The following ZNF493 variants were observed in gnomAD, a reference collection of about 807,000 sequenced individuals.
The protein encoded by ZNF493 is zinc finger protein 493.
ZNF493 carries 11 observed loss-of-function variants against 12.2 expected under a neutral mutation model. The observed-to-expected ratio is 0.90, with a 90% CI of 0.57 to 1.50. The LOEUF is 1.50. Ranked by LOEUF, ZNF493 falls within the 40% of genes most tolerant of loss-of-function variation. The probability of loss-of-function intolerance (pLI) is 0.00; values close to 1 mark genes in which losing one functional copy is unlikely to be tolerated. For synonymous variants in ZNF493, 286 were observed against 302.6 expected, an observed-to-expected ratio of 0.95 and a Z score of 0.57; for missense variants, 950 against 906.6, an observed-to-expected ratio of 1.05 and a Z score of -0.61.
intron 3 of ZNF493, among the ~76,000 whole-genome samples, chr19:21,409,119 C>T (rs1176623114): frequency 2.6e-5 from 4 of 152,006 alleles, no homozygotes; most frequent in Non-Finnish European, 5.9e-5. Context: ...CTCCTGACCT[C>T]GTGATCTGCC....
rs1022648919 is a variant in ZNF493, at chr19:21,400,025, G to A, written c.30+2758G>A. Among the ~76,000 whole-genome samples the A allele has an allele frequency of 3.3e-5, 5 of 152,232 alleles. No homozygotes were observed. The East Asian group carries it at 7.7e-4, about 23-fold the overall frequency. ...TGGAAGTGTTTTCATATGACTCATTGTTAACTGCATGATTTTTAGTGGAAT... is the reference window on the plus strand; with the variant it reads ...TGGAAGTGTTTTCATATGACTCATTATTAACTGCATGATTTTTAGTGGAAT... On this transcript the variant is annotated intron_variant, in intron 1 of 3. Transcript: ENST00000392288.
chr19:21,426,036 G>A lies in ZNF493; in HGVS notation c.*1052G>A. Reference sequence around the variant, plus strand: ...AAACCCTATGATTGTGAAAAATATGGCAAAGGCTTTAACTAGTCCTCAGTT... The same window carrying A: ...AAACCCTATGATTGTGAAAAATATGACAAAGGCTTTAACTAGTCCTCAGTT... On this transcript the variant is annotated 3_prime_UTR_variant, in exon 4 of 4. Transcript: ENST00000392288. 2 of 483,920 alleles carry A rather than the reference G, an allele frequency of 4.1e-6. No homozygotes were observed. The highest frequency in any genetic ancestry group is 3.5e-5 in the South Asian group (2 of 56,742). The allele number at this position is 483,920 out of a possible 1,614,324, so 30.0% of individuals were successfully genotyped here.
At position 21,427,264 on chromosome 19, in the gene ZNF493, GTATAT is replaced by G. The variant is rs2030877827; in HGVS notation, c.*2284_*2288del. ...ATTCTTTTGCATTATGAGAAAACTA[GTATAT>G]TATTCATATATTTTACTAATTGTAC... is the stretch of plus-strand genomic sequence containing the variant. On this transcript the variant is annotated 3_prime_UTR_variant, in exon 4 of 4. Coordinates refer to ENST00000392288, the MANE Select transcript of ZNF493 (RefSeq NM_001076678.3). 6.0e-6 allele frequency: 1 copy of G among 166,616 alleles called. No individual in the cohort carries two copies. Among genetic ancestry groups the G allele is most frequent in the Non-Finnish European group, 1.5e-5 (1 of 68,102 alleles). 10.3% of individuals were successfully genotyped at this position (166,616 alleles called of 1,614,324 possible).
chr19:21,416,423 C>T (rs886218254), intron 3 of ZNF493, among the ~76,000 whole-genome samples: 17 of 152,132 alleles, frequency 1.1e-4, no homozygotes, highest in Non-Finnish European at 2.2e-4. Context: ...GGTTGTCCAT[C>T]GGGCCCTTCA....
rs746362909 is a variant in ZNF493, at chr19:21,424,551, G to A, written c.1892G>A (p.Cys631Tyr). 6 of 1,610,584 alleles carry A rather than the reference G, an allele frequency of 3.7e-6. No individual in the cohort carries two copies. In the South Asian group the frequency reaches 5.5e-5, roughly 15 times the overall value. ...CATACTGGAGAAAAACCCTACAAATGTGAAGAATGTGGCAAAGCTTTTAAG... is the reference window on the plus strand; with the variant it reads ...CATACTGGAGAAAAACCCTACAAATATGAAGAATGTGGCAAAGCTTTTAAG... Reference protein sequence around the residue: ...KIHTGEKPYKCEECGKAFKRS... With the variant: ...KIHTGEKPYKYEECGKAFKRS... Residue 631 changes from cysteine to tyrosine, a missense_variant, in exon 4 of 4, where the codon TGT (cysteine) becomes TAT (tyrosine). By Grantham distance (194) the Cys-to-Tyr change is radical. Transcript: ENST00000392288.
At position 21,427,462 on chromosome 19, in the gene ZNF493, T is replaced by C. The variant is rs1264367515; in HGVS notation, c.*2478T>C. On this transcript the variant is annotated 3_prime_UTR_variant, in exon 4 of 4. Coordinates refer to ENST00000392288, the MANE Select transcript of ZNF493 (RefSeq NM_001076678.3). ...CCCTCCCCCCAATTGTACTTTTATATAATAAAATGCAGTACATTTTAAAAA... is the reference window on the plus strand; with the variant it reads ...CCCTCCCCCCAATTGTACTTTTATACAATAAAATGCAGTACATTTTAAAAA... The C allele has an allele frequency of 6.6e-6, 1 of 151,910 alleles. No homozygotes were observed. The highest frequency in any genetic ancestry group is 1.5e-5 in the Non-Finnish European group (1 of 67,938). The allele number at this position is 151,910 out of a possible 1,614,324, so 9.4% of individuals were successfully genotyped here.
intron 1 of ZNF493, among the ~76,000 whole-genome samples, chr19:21,404,598 AAC>A (rs1368861283): frequency 3.3e-5 from 5 of 152,206 alleles, no homozygotes; most frequent in Admixed American, 1.3e-4. Flanking sequence ...AATTGAGTAA[AAC>A]ACAGGATCTT....
intron 3 of ZNF493, among the ~76,000 whole-genome samples, chr19:21,411,503 T>C (rs1051233495): frequency 2.0e-5 from 3 of 152,108 alleles, no homozygotes; most frequent in Non-Finnish European, 4.4e-5. Context: ...GCAGATTGCC[T>C]GAGCTCAGGA....
In ZNF493 at chr19:21,403,213, CAT is replaced by C. The variant is rs111925168; in HGVS notation, c.31-1915_31-1914del. 4.7e-3 allele frequency among the ~76,000 whole-genome samples: 719 copies of C among 152,296 alleles called. 7 individuals are homozygous for C. Among genetic ancestry groups the C allele is most frequent in the African/African-American group, 0.016 (677 of 41,570 alleles). On this transcript the variant is annotated intron_variant, in intron 1 of 3. Coordinates refer to ENST00000392288, the MANE Select transcript of ZNF493 (RefSeq NM_001076678.3). ...AAGTATTCATGTTTTAATTGTGTCT[CAT>C]GTGACTCTTAAGGTGAGGACAGAAT... is the stretch of plus-strand genomic sequence containing the variant.
At position 21,405,907 on chromosome 19, in the gene ZNF493, T is replaced by A. The variant is rs1353427555; in HGVS notation, c.253+51T>A. Reference sequence around the variant, plus strand: ...GACATAGATGAAAGGTTGAAAGATTTAAAAAAAAAAAAAAAAAAAAAAGCC... The same window carrying A: ...GACATAGATGAAAGGTTGAAAGATTAAAAAAAAAAAAAAAAAAAAAAAGCC... On this transcript the variant is annotated intron_variant, in intron 3 of 3. Coordinates refer to ENST00000392288, the MANE Select transcript of ZNF493 (RefSeq NM_001076678.3). 199 of 180,360 alleles carry A rather than the reference T, an allele frequency of 1.1e-3. 1 individual carries two copies. The highest frequency in any genetic ancestry group is 2.6e-3 in the South Asian group (33 of 12,600). The allele number at this position is 180,360 out of a possible 1,614,324, so 11.2% of individuals were successfully genotyped here. A position where few individuals can be genotyped will look rare whatever the true frequency, so the allele number is the denominator to read the frequency against.
chr19:21,423,050 G>C lies in ZNF493; in HGVS notation c.391G>C (p.Glu131Gln), dbSNP rs1404713962. The change falls in exon 4 of 4, where the codon GAG becomes CAG. Residue 131 changes from glutamate to glutamine, a missense_variant. Coordinates refer to ENST00000392288, the MANE Select transcript of ZNF493 (RefSeq NM_001076678.3). ...AAGAAAAGGATGTAAAAGTATGAAT[G>C]AGTGTAATGTGCACAAAGAAGGTTA... is the stretch of plus-strand genomic sequence containing the variant. ...QLRKGCKSMN[E>Q]CNVHKEGYNE... 1 of 1,613,600 alleles carries C rather than the reference G, an allele frequency of 6.2e-7. No individual in the cohort carries two copies. The highest frequency in any genetic ancestry group is 8.5e-7 in the Non-Finnish European group (1 of 1,179,794).
At position 21,405,796 on chromosome 19, in the gene ZNF493, C is replaced by A; in HGVS notation, c.193C>A (p.Leu65Met). The change falls in exon 3 of 4, where the codon CTG becomes ATG. Residue 65 changes from leucine (L) to methionine (M), a missense_variant. By Grantham distance (15) the Leu-to-Met change is conservative (BLOSUM62 2). Transcript: ENST00000392288. ...AVSKPDLVTC[L>M]EQGKDPWNMK... The stretch of plus-strand genomic sequence containing the variant: ...CTCTAAGCCAGATCTGGTCACCTGT[C>A]TGGAGCAAGGAAAAGATCCCTGGAA... 1 of 1,598,228 alleles carries A rather than the reference C, an allele frequency of 6.3e-7. No individual in the cohort carries two copies. Among genetic ancestry groups the A allele is most frequent in the Non-Finnish European group, 8.5e-7 (1 of 1,171,430 alleles).
chr19:21,424,893 C>T lies in ZNF493; in HGVS notation c.2234C>T (p.Ala745Val). 6.2e-7 allele frequency: 1 copy of T among 1,600,040 alleles called. No individual in the cohort carries two copies. The highest frequency in any genetic ancestry group is 8.5e-7 in the Non-Finnish European group (1 of 1,172,674). Residue 745 changes from alanine (A) to valine (V), a missense_variant, in exon 4 of 4, where the codon GCA (alanine) becomes GTA (valine). Transcript: ENST00000392288. Reference protein sequence around the residue: ...HTGDKPYKCEACGKAFRRSSH... With the variant: ...HTGDKPYKCEVCGKAFRRSSH... Reference sequence around the variant, plus strand: ...GGAGACAAACCCTACAAATGTGAAGCATGTGGCAAAGCTTTTAGGCGGTCT... The same window carrying T: ...GGAGACAAACCCTACAAATGTGAAGTATGTGGCAAAGCTTTTAGGCGGTCT...
In ZNF493 at chr19:21,423,329, A is replaced by C; in HGVS notation, c.670A>C (p.Thr224Pro). Reference sequence around the variant, plus strand: ...TGGCAAAGCCTTTATCTGGTTTTCAACCCTTACTAGACACAGGAGAGTTCA... The same window carrying C: ...TGGCAAAGCCTTTATCTGGTTTTCACCCCTTACTAGACACAGGAGAGTTCA... ...ECGKAFIWFSTLTRHRRVHTG... is the reference protein window; with the variant it reads ...ECGKAFIWFSPLTRHRRVHTG... Residue 224 changes from threonine to proline, a missense_variant, in exon 4 of 4, where the codon ACC becomes CCC. Physicochemically the swap from Thr to Pro is conservative, Grantham distance 38. Transcript: ENST00000392288. 2 of 1,613,516 alleles carry C rather than the reference A, an allele frequency of 1.2e-6. No homozygotes were observed. Among genetic ancestry groups the C allele is most frequent in the Non-Finnish European group, 1.7e-6 (2 of 1,179,778 alleles).
At chr19:21,406,348 T>G (rs2030126828) in intron 3 of ZNF493, among the ~76,000 whole-genome samples, 2 of 151,374 alleles carry the variant, frequency 1.3e-5, no homozygotes, top group Admixed American at 6.6e-5. Flanking sequence ...ATTTTTTTGT[T>G]TTTTTTTTGT....
intron 1 of ZNF493, chr19:21,397,606 A>G: frequency 1.9e-6 from 1 of 530,530 alleles, no homozygotes; most frequent in Non-Finnish European, 3.3e-6. Context: ...GTGCGGGTTC[A>G]TGAATGGGAA....
At chr19:21,414,268 G>T (rs1261465579) in intron 3 of ZNF493, 1 of 152,216 alleles carries the variant, frequency 6.6e-6, no homozygotes, top group Non-Finnish European at 1.5e-5. Flanking sequence ...ATAGAGTTAG[G>T]TTCCAATCCT....
chr19:21,407,176 C>T (rs917279851), intron 3 of ZNF493, among the ~76,000 whole-genome samples: 5 of 152,016 alleles, frequency 3.3e-5, no homozygotes, highest in African/African-American at 7.2e-5. Flanking sequence ...GGTGAAACCC[C>T]GTCTCTACTG....
In ZNF493 at chr19:21,425,144, C is replaced by A; in HGVS notation, c.*160C>A. Reference sequence around the variant, plus strand: ...GCAAAGATTTCTATTGATTCTCATACCTTACTAAATATAAGATAATTCATA... The same window carrying A: ...GCAAAGATTTCTATTGATTCTCATAACTTACTAAATATAAGATAATTCATA... On this transcript the variant is annotated 3_prime_UTR_variant, in exon 4 of 4. Coordinates refer to ENST00000392288, the MANE Select transcript of ZNF493 (RefSeq NM_001076678.3). The A allele has an allele frequency of 6.8e-6, 6 of 885,048 alleles. No individual in the cohort carries two copies. The highest frequency in any genetic ancestry group is 2.1e-5 in the Admixed American group (1 of 47,100). The allele number at this position is 885,048 out of a possible 1,614,324, so 54.8% of individuals were successfully genotyped here.
Sources: allele counts gnomAD v4.1 joint callset (sites outside exome capture counted in the v4.1 genomes callset), GRCh38; gene constraint gnomAD v4.1.1; transcripts MANE v1.5; gene names NCBI Gene and HGNC (gene_info 2026-07-23, HGNC 2026-07-21).